Variants in FLI1 observed in about 807,000 individuals in gnomAD.
FLI1 encodes the protein Friend leukemia integration 1 transcription factor.
Under a neutral mutation model 53.1 loss-of-function variants are expected in FLI1, and 13 were observed. That is an observed-to-expected ratio of 0.24 (90% CI 0.16 to 0.39). The LOEUF is 0.39. Among genes scored for constraint, FLI1 ranks in the 10% least tolerant of loss-of-function variants. FLI1 has a pLI of 1.00. For missense variants in FLI1, 424 were observed against 600.5 expected (o/e 0.71, Z 3.07); for synonymous variants, 244 against 236.7 (o/e 1.03, Z -0.28).
At chr11:128,803,572 A>ATGCCTTAGGCACATG (rs1942694102) in intron 5 of FLI1, among the ~76,000 whole-genome samples, 1 of 152,142 alleles carries the variant, frequency 6.6e-6, no homozygotes, top group Non-Finnish European at 1.5e-5. Context: ...TGTGTCCTCC[A>ATGCCTTAGGCACATG]TGCCTTAGGC....
At chr11:128,698,953 A>C (rs1291839643) in intron 1 of FLI1, among the ~76,000 whole-genome samples, 4 of 152,214 alleles carry the variant, frequency 2.6e-5, no homozygotes, top group Non-Finnish European at 4.4e-5. Flanking sequence ...TCCAGCAGAC[A>C]AAGTAAACAG....
At chr11:128,692,654 C>A (rs1331470383), upstream of FLI1, 1 of 152,196 alleles carries the variant, frequency 6.6e-6, no homozygotes, top group Non-Finnish European at 1.5e-5. Flanking sequence ...TAATAAGTCA[C>A]CTTTTTTCGC....
intron 5 of FLI1, among the ~76,000 whole-genome samples, chr11:128,794,288 G>T (rs1015381157): frequency 6.6e-6 from 1 of 152,234 alleles, no homozygotes; most frequent in Non-Finnish European, 1.5e-5. Flanking sequence ...GGCCTATAAT[G>T]CTCTGCCAGG....
At chr11:128,745,154 T>C (rs11826871) in intron 1 of FLI1, among the ~76,000 whole-genome samples, 14,801 of 151,976 alleles carry the variant, frequency 0.097, 1,292 homozygotes, top group East Asian at 0.26. Flanking sequence ...GAGTCTTACA[T>C]AACAAGAAGA....
At chr11:128,739,306 G>T (rs1416521233) in intron 1 of FLI1, among the ~76,000 whole-genome samples, 3 of 152,136 alleles carry the variant, frequency 2.0e-5, no homozygotes, top group African/African-American at 7.2e-5. Flanking sequence ...TGAGCTGTGG[G>T]GTAGAGGGAG....
chr11:128,697,431 T>A (rs1409285304), intron 1 of FLI1, among the ~76,000 whole-genome samples: 1 of 152,148 alleles, frequency 6.6e-6, no homozygotes, highest in Admixed American at 6.5e-5. Context: ...GCACTTCTTG[T>A]ATCTGTTTCC....
intron 2 of FLI1, among the ~76,000 whole-genome samples, chr11:128,767,718 C>T (rs2135831284): frequency 6.6e-6 from 1 of 152,298 alleles, no homozygotes; most frequent in Non-Finnish European, 1.5e-5. Context: ...TGTGACAAGT[C>T]CTTATAACCA....
intron 4 of FLI1, among the ~76,000 whole-genome samples, 184 bp from the exon 5 acceptor site, chr11:128,781,774 A>G (rs1941922240): frequency 6.6e-6 from 1 of 152,122 alleles, no homozygotes; most frequent in South Asian, 2.1e-4. Context: ...TAAAGCTATT[A>G]CAGGCCTGTA....
At position 128,810,444 on chromosome 11, in the gene FLI1, C is replaced by T; in HGVS notation, c.830-15C>T. On this transcript the variant is annotated splice_polypyrimidine_tract_variant and intron_variant, in intron 8 of 8. Transcript: ENST00000527786. The surrounding 1 kb of genome is among the most constrained non-coding windows in gnomAD (Gnocchi z 6.6). Reference sequence around the variant, plus strand: ...GAGGTGTTCTGTTCTCTCCCGTTTGCCTCACGGCGTGCAGGAAGCGGGCAG... The same window carrying T: ...GAGGTGTTCTGTTCTCTCCCGTTTGTCTCACGGCGTGCAGGAAGCGGGCAG... The T allele has an allele frequency of 6.3e-7, 1 of 1,579,340 alleles. No individual in the cohort carries two copies. Among genetic ancestry groups the T allele is most frequent in the Non-Finnish European group, 8.6e-7 (1 of 1,162,032 alleles).
intron 5 of FLI1, among the ~76,000 whole-genome samples, chr11:128,800,333 G>C (rs896039736): frequency 1.3e-5 from 2 of 152,184 alleles, no homozygotes; most frequent in Non-Finnish European, 2.9e-5. Flanking sequence ...TTTCCACCCA[G>C]TCATTGAGAG....
intron 1 of FLI1, among the ~76,000 whole-genome samples, chr11:128,754,554 G>A (rs1190380570): frequency 2.6e-5 from 4 of 152,234 alleles, no homozygotes; most frequent in African/African-American, 9.6e-5. Flanking sequence ...GTTGCAGCAA[G>A]AGGAAGTTGT....
In FLI1 at chr11:128,758,097, T is replaced by A. The variant is rs1940963781; in HGVS notation, c.19-18T>A. ...GAAGAGTGACACTGGGCTTTCTGTC[T>A]CTTCTCTGGCCCTGCAGGAGGCTCT... On this transcript the variant is annotated intron_variant, in intron 1 of 8. Coordinates refer to ENST00000527786, the MANE Select transcript of FLI1 (RefSeq NM_002017.5). 6.2e-7 allele frequency: 1 copy of A among 1,602,208 alleles called. No homozygotes were observed. Among genetic ancestry groups the A allele is most frequent in the Non-Finnish European group, 8.5e-7 (1 of 1,174,248 alleles).
At chr11:128,784,929 C>G (rs1032949629) in intron 5 of FLI1, among the ~76,000 whole-genome samples, 4 of 152,200 alleles carry the variant, frequency 2.6e-5, no homozygotes, top group African/African-American at 9.7e-5. Flanking sequence ...GTGCTGGCAT[C>G]AAGCACAAAG....
At chr11:128,784,123 T>C (rs1187272959) in intron 5 of FLI1, among the ~76,000 whole-genome samples, 1 of 152,166 alleles carries the variant, frequency 6.6e-6, no homozygotes, top group African/African-American at 2.4e-5. Context: ...AGTGAGGCTC[T>C]GAAGCAGAGC....
upstream of FLI1, among the ~76,000 whole-genome samples, chr11:128,690,587 C>A (rs78301427): frequency 1.7e-3 from 252 of 152,348 alleles, 9 homozygotes; most frequent in East Asian, 0.044. Context: ...AGGACTTCCG[C>A]ATCTTTGAAA....
intron 2 of FLI1, among the ~76,000 whole-genome samples, chr11:128,765,785 C>T (rs896053714): frequency 8.6e-5 from 13 of 151,976 alleles, no homozygotes; most frequent in African/African-American, 1.7e-4. Context: ...TGTGTATGCA[C>T]GCGTGTGTGT....
chr11:128,693,941 CGAGAGAGAGAGAGAGA>C (rs57930585), upstream of FLI1: 3,993 of 176,460 alleles, frequency 0.023, 38 homozygotes, highest in African/African-American at 0.045. Flanking sequence ...GAGCTCGAGG[CGAGAGAGAGAGAGAGA>C]GAGAGAGAGA....
At chr11:128,763,414 A>G (rs613587) in intron 2 of FLI1, among the ~76,000 whole-genome samples, 37,907 of 152,192 alleles carry the variant, frequency 0.25, 5,178 homozygotes, top group Admixed American at 0.39. Flanking sequence ...CTTGATCCAA[A>G]CTGTGGTCTG....
chr11:128,809,336 A>C (rs1591392486), intron 8 of FLI1, 132 bp downstream of exon 8: 1 of 792,770 alleles, frequency 1.3e-6, no homozygotes, highest in Non-Finnish European at 2.2e-6. Flanking sequence ...GAAATGTTCA[A>C]TGTCTGTTTC....
Sources: gnomAD v4.1 joint callset for allele counts (sites outside exome capture counted in the v4.1 genomes callset) on GRCh38, gnomAD v4.1.1 for gene constraint, Gnocchi (gnomAD v3.1) non-coding constraint, MANE v1.5 for transcripts, NCBI Gene and HGNC (gene_info 2026-07-23, HGNC 2026-07-21) for gene names.